RYR2: variants seen among roughly 807,000 people sequenced by gnomAD.
RYR2 encodes the protein cardiac muscle ryanodine receptor-calcium release channel.
A neutral mutation model predicts 601.1 loss-of-function variants in RYR2; 227 were observed. That is an observed-to-expected ratio of 0.38 (90% CI 0.34 to 0.42). The LOEUF (loss-of-function observed/expected upper bound fraction) is 0.42. Ranked by LOEUF, RYR2 falls within the 10% of genes least tolerant of loss-of-function variation. The pLI is 1.00. For missense variants in RYR2, 4,646 were observed against 6,156.5 expected (o/e 0.75, Z 8.21); for synonymous variants, 2,223 against 2,175.1 (o/e 1.02, Z -0.61).
intron 5 of RYR2, among the ~76,000 whole-genome samples, chr1:237,365,298 G>A (rs756390699): frequency 2.6e-4 from 40 of 152,242 alleles, no homozygotes; most frequent in South Asian, 8.3e-4. Context: ...AAAAGGAAGC[G>A]CGTTCTTGTC....
chr1:237,293,486 T>C (rs907361807), intron 2 of RYR2, among the ~76,000 whole-genome samples: 4 of 152,150 alleles, frequency 2.6e-5, no homozygotes, highest in African/African-American at 9.7e-5. Context: ...AGATTACAGG[T>C]GTGAGCCACC....
chr1:237,354,229 T>C (rs1699104172), intron 3 of RYR2, among the ~76,000 whole-genome samples: 1 of 152,168 alleles, frequency 6.6e-6, no homozygotes, highest in Non-Finnish European at 1.5e-5. Flanking sequence ...CTGTGTCTTT[T>C]GTAATATAGA....
At chr1:237,648,638 TC>T (rs759601975) in intron 49 of RYR2, 25 bp downstream of exon 49, 1 of 1,596,688 alleles carries the variant, frequency 6.3e-7, no homozygotes, top group South Asian at 1.1e-5. Flanking sequence ...ATGGACTTCC[TC>T]CTCTCTTGAC....
intron 16 of RYR2, among the ~76,000 whole-genome samples, chr1:237,459,620 A>G (rs1034583240): frequency 6.6e-6 from 1 of 152,194 alleles, no homozygotes; most frequent in Non-Finnish European, 1.5e-5. Context: ...TTTTTATATA[A>G]TCATAGAAAA....
At chr1:237,454,354 T>G in intron 14 of RYR2, 37 bp from the exon 15 acceptor site, 2 of 1,550,724 alleles carry the variant, frequency 1.3e-6, no homozygotes, top group Non-Finnish European at 1.7e-6. Flanking sequence ...AAATTGTGAA[T>G]CACTGACAAT....
intron 11 of RYR2, among the ~76,000 whole-genome samples, chr1:237,417,452 G>A (rs921259024): frequency 1.3e-5 from 2 of 152,210 alleles, no homozygotes; most frequent in Non-Finnish European, 2.9e-5. Flanking sequence ...ACAGAGTGAT[G>A]TAAGATTTGG....
In RYR2 at chr1:237,801,872, G is replaced by A; in HGVS notation, c.14107G>A (p.Val4703Met). The A allele has an allele frequency of 6.3e-7, 1 of 1,594,322 alleles. No individual in the cohort carries two copies. Among genetic ancestry groups the A allele is most frequent in the Non-Finnish European group, 8.6e-7 (1 of 1,167,446 alleles). Residue 4703 changes from valine to methionine, a missense_variant, in exon 98 of 105, where the codon GTG (valine) becomes ATG (methionine). This residue lies in a region of RYR2 where 76 missense variants were observed against 97.4 expected (regional missense o/e 0.78). Transcript: ENST00000366574. ...TCATTGCAGACTGAACTCCATTGATGTGAAGTATCAGATGTGGAAACTAGG... is the reference window on the plus strand; with the variant it reads ...TCATTGCAGACTGAACTCCATTGATATGAAGTATCAGATGTGGAAACTAGG... The part of the protein sequence containing the change: ...SLSAVLNSID[V>M]KYQMWKLGVV...
chr1:237,534,802 A>T (rs1157470094), intron 25 of RYR2, among the ~76,000 whole-genome samples: 2 of 152,016 alleles, frequency 1.3e-5, no homozygotes, highest in Non-Finnish European at 2.9e-5. Context: ...CCAGATTTTT[A>T]AAAAGCTTTT....
At chr1:237,655,698 A>G (rs1188679088) in intron 52 of RYR2, 123 bp from the exon 53 acceptor site, 8 of 807,698 alleles carry the variant, frequency 9.9e-6, no homozygotes, top group Non-Finnish European at 1.3e-5. Flanking sequence ...AAGAATGATC[A>G]GAGAGTTCAG....
intron 18 of RYR2, 48 bp downstream of exon 18, chr1:237,491,972 G>T: frequency 1.2e-6 from 1 of 824,058 alleles, no homozygotes; most frequent in Non-Finnish European, 1.9e-6. Flanking sequence ...AATCCTTTTA[G>T]ATATATTTTT....
chr1:237,336,856 C>CTAAA (rs1245941358), intron 3 of RYR2, among the ~76,000 whole-genome samples: 1 of 151,394 alleles, frequency 6.6e-6, no homozygotes. Context: ...GACTCCATCT[C>CTAAA]TAAATAAATA....
At chr1:237,176,169 G>A (rs754614762) in intron 1 of RYR2, among the ~76,000 whole-genome samples, 18 of 151,376 alleles carry the variant, frequency 1.2e-4, no homozygotes, top group Admixed American at 4.6e-4. Flanking sequence ...TAGAGGCTAC[G>A]GGGAGCTCGG....
At chr1:237,506,609 A>T in intron 22 of RYR2, 101 bp from the exon 23 acceptor site, 1 of 684,774 alleles carries the variant, frequency 1.5e-6, no homozygotes, top group Non-Finnish European at 2.4e-6. Flanking sequence ...TTACTGGTTT[A>T]TGAGGCAGTT....
chr1:237,670,602 A>G (rs1421785660), intron 58 of RYR2, among the ~76,000 whole-genome samples: 1 of 152,168 alleles, frequency 6.6e-6, no homozygotes, highest in East Asian at 1.9e-4. Context: ...TGAGCAGATT[A>G]CATGAAAAAA....
intron 38 of RYR2, among the ~76,000 whole-genome samples, chr1:237,618,695 G>GA (rs1445623839): frequency 3.3e-5 from 5 of 152,268 alleles, no homozygotes; most frequent in African/African-American, 1.2e-4. Flanking sequence ...AAAAACCACA[G>GA]AAAAAACTGT....
chr1:237,643,618 C>CTT (rs1681807370), intron 48 of RYR2, among the ~76,000 whole-genome samples, 171 bp downstream of exon 48: 1 of 43,212 alleles, frequency 2.3e-5, no homozygotes. Context: ...ATAATTTTTT[C>CTT]CTTTTTTTTT....
chr1:237,321,077 G>C (rs959384959), intron 2 of RYR2, among the ~76,000 whole-genome samples: 4 of 152,010 alleles, frequency 2.6e-5, no homozygotes, highest in African/African-American at 9.7e-5. Context: ...TCTGGTATGA[G>C]TTTTAGGCTA....
intron 16 of RYR2, 139 bp from the exon 17 acceptor site, chr1:237,468,953 T>G: frequency 1.6e-6 from 1 of 638,424 alleles, no homozygotes; most frequent in Non-Finnish European, 2.8e-6. Context: ...TATGTACGTG[T>G]ATGTATGTTT....
intron 23 of RYR2, among the ~76,000 whole-genome samples, chr1:237,507,601 C>A (rs1665402400): frequency 6.6e-6 from 1 of 152,184 alleles, no homozygotes; most frequent in Non-Finnish European, 1.5e-5. Flanking sequence ...ATGTGATACT[C>A]CACACTACTC....
Sources: gnomAD v4.1 joint callset for allele counts (sites outside exome capture counted in the v4.1 genomes callset) on GRCh38, gnomAD v4.1.1 for gene constraint, gnomAD v4.1.1 regional missense constraint, MANE v1.5 for transcripts, NCBI Gene and HGNC (gene_info 2026-07-23, HGNC 2026-07-21) for gene names.